The following MYH9 variants were observed in gnomAD, a reference collection of about 807,000 sequenced individuals.
MYH9 encodes the protein myosin-9.
MYH9 carries 29 observed loss-of-function variants against 241.9 expected under a neutral mutation model. That is an observed-to-expected ratio of 0.12 (90% CI 0.09 to 0.16). The LOEUF (loss-of-function observed/expected upper bound fraction) is 0.16, where lower values mean the gene tolerates loss of function less well. MYH9 is among the 10% of genes least tolerant of loss of function. The pLI is 1.00. For missense variants in MYH9, 1,803 were observed against 2,595.5 expected (o/e 0.69, Z 6.63); for synonymous variants, 1,047 against 1,062.6 (o/e 0.99, Z 0.29).
chr22:36,336,046 G>A (rs931665515), intron 3 of MYH9, among the ~76,000 whole-genome samples: 5 of 152,196 alleles, frequency 3.3e-5, no homozygotes, highest in East Asian at 1.9e-4. Context: ...ACCAGGGATC[G>A]GGTGGGAAGG....
Position 36,281,986 on chromosome 22 carries a change from G to A in MYH9, c.*682C>T, listed in dbSNP as rs1048426610. On this transcript the variant is annotated 3_prime_UTR_variant, in exon 41 of 41. Coordinates refer to ENST00000216181, the MANE Select transcript of MYH9 (RefSeq NM_002473.6). ...GCTGTCCTCGGTAAAGGAGGGGAGGGGGCATTGCACTTGAGACATTTTAGA... is the reference window on the plus strand; with the variant it reads ...GCTGTCCTCGGTAAAGGAGGGGAGGAGGCATTGCACTTGAGACATTTTAGA... 1.3e-5 allele frequency: 3 copies of A among 233,668 alleles called. No individual in the cohort carries two copies. The highest frequency in any genetic ancestry group is 4.4e-5 in the African/African-American group (2 of 45,310). 14.5% of individuals were successfully genotyped at this position (233,668 alleles called of 1,614,324 possible).
At chr22:36,310,349 T>C (rs2017042356) in intron 14 of MYH9, among the ~76,000 whole-genome samples, 4 of 152,118 alleles carry the variant, frequency 2.6e-5, no homozygotes, top group Admixed American at 2.6e-4. Flanking sequence ...CAAACTGTCT[T>C]CTTGCCTTGG....
At chr22:36,337,395 C>T (rs2017516684) in intron 3 of MYH9, among the ~76,000 whole-genome samples, 1 of 152,158 alleles carries the variant, frequency 6.6e-6, no homozygotes, top group South Asian at 2.1e-4. Context: ...AATTTATCCT[C>T]CAAACTGGGA....
In MYH9 at chr22:36,320,158, G is replaced by A. The variant is rs2017227417; in HGVS notation, c.1012+62C>T. On this transcript the variant is annotated intron_variant, in intron 9 of 40. Transcript: ENST00000216181. This position sits in a 1 kb window ranked among gnomAD's most constrained non-coding sequence, Gnocchi z 4.8. ...GGCCCATCGGCTACCCTGATGCCCC[G>A]AGGCCGTGGGTACCAGCCTTCCTCT... 2.7e-6 allele frequency: 4 copies of A among 1,484,810 alleles called. No individual in the cohort carries two copies. Among genetic ancestry groups the A allele is most frequent in the East Asian group, 2.3e-5 (1 of 43,224 alleles). 92.0% of individuals were successfully genotyped at this position (1,484,810 alleles called of 1,614,324 possible).
At position 36,285,051 on chromosome 22, in the gene MYH9, G is replaced by C; in HGVS notation, c.5483+70C>G. ...AGAGAGCTGGTTGTGGCCCAGATTT[G>C]GGCAGGACTGCAGGGGGGCCAGAGT... On this transcript the variant is annotated intron_variant, in intron 38 of 40. Coordinates refer to ENST00000216181, the MANE Select transcript of MYH9 (RefSeq NM_002473.6). The surrounding 1 kb of genome is among the most constrained non-coding windows in gnomAD (Gnocchi z 7.0). 2.8e-6 allele frequency: 4 copies of C among 1,425,458 alleles called. No homozygotes were observed. In the Admixed American group the frequency reaches 5.4e-5, roughly 19 times the overall value. 88.3% of individuals were successfully genotyped at this position (1,425,458 alleles called of 1,614,324 possible). A position where few individuals can be genotyped will look rare whatever the true frequency, so the allele number is the denominator to read the frequency against.
chr22:36,379,278 C>T (rs1252960682), intron 1 of MYH9, among the ~76,000 whole-genome samples: 1 of 152,130 alleles, frequency 6.6e-6, no homozygotes, highest in African/African-American at 2.4e-5. Flanking sequence ...GAGGCCGAGG[C>T]GGGTGGATCA....
rs148112044 is a variant in MYH9 at position 36,300,968 on chromosome 22, G to T, written c.2721C>A (p.Thr907=). The change falls in exon 22 of 41, where the codon ACC becomes ACA. Residue 907 remains threonine, a synonymous_variant. Coordinates refer to ENST00000216181, the MANE Select transcript of MYH9 (RefSeq NM_002473.6). The surrounding 1 kb of genome is among the most constrained non-coding windows in gnomAD (Gnocchi z 5.0). ...AEAEELRARL[T]AKKQELEEIC... is the part of the protein sequence containing the mutation. The stretch of plus-strand genomic sequence containing the variant: ...TCTCTTCTAATTCCTGCTTCTTGGC[G>T]GTCAGGCGGGCCCGGAGCTCCTCAG... The T allele has an allele frequency of 4.3e-6, 7 of 1,611,744 alleles. No homozygotes were observed. The Admixed American group carries it at 1.0e-4, about 23-fold the overall frequency.
chr22:36,381,006 G>C (rs778760929), intron 1 of MYH9, among the ~76,000 whole-genome samples: 52 of 152,126 alleles, frequency 3.4e-4, no homozygotes, highest in Middle Eastern at 3.4e-3. Context: ...CTGTTTAAGG[G>C]GTTACTCTAG....
At chr22:36,370,036 GCACT>G (rs1326698773) in intron 1 of MYH9, among the ~76,000 whole-genome samples, 1 of 152,168 alleles carries the variant, frequency 6.6e-6, no homozygotes. Context: ...ATATCACCTG[GCACT>G]GTGCCAGATA....
In MYH9 at chr22:36,300,332, G is replaced by C; in HGVS notation, c.2839-68C>G. 1 of 1,600,054 alleles carries C rather than the reference G, an allele frequency of 6.2e-7. No individual in the cohort carries two copies. The highest frequency in any genetic ancestry group is 8.5e-7 in the Non-Finnish European group (1 of 1,176,252). ...GCATGGCCAAGGTGAAGGCAGCAAG[G>C]TCCGAAGGCCAGATCCAAACGCCAA... is the stretch of plus-strand genomic sequence containing the variant. On this transcript the variant is annotated intron_variant, in intron 22 of 40. Transcript: ENST00000216181. The surrounding 1 kb of genome is among the most constrained non-coding windows in gnomAD (Gnocchi z 5.0).
At chr22:36,361,299 C>CG (rs136210) in intron 1 of MYH9, among the ~76,000 whole-genome samples, 9,407 of 152,220 alleles carry the variant, frequency 0.062, 683 homozygotes, top group African/African-American at 0.18. Context: ...ACTTAGTGCC[C>CG]GGGCCCCAGA....
intron 3 of MYH9, among the ~76,000 whole-genome samples, chr22:36,340,399 G>A (rs12159329): frequency 0.025 from 3,788 of 151,970 alleles, 161 homozygotes; most frequent in African/African-American, 0.087. Flanking sequence ...GGTGGCTCAC[G>A]CCTGTAATCC....
intron 3 of MYH9, among the ~76,000 whole-genome samples, chr22:36,335,865 G>C (rs1374729907): frequency 4.6e-5 from 7 of 152,218 alleles, no homozygotes; most frequent in African/African-American, 1.4e-4. Flanking sequence ...ATCTGTGCCT[G>C]CCTCTTTACG....
At chr22:36,373,405 T>C (rs1267119789) in intron 1 of MYH9, among the ~76,000 whole-genome samples, 5 of 152,246 alleles carry the variant, frequency 3.3e-5, no homozygotes, top group African/African-American at 1.2e-4. Context: ...CCAGGGGCCT[T>C]GGAAGTGACA....
At chr22:36,309,028 C>G (rs759471419) in intron 15 of MYH9, among the ~76,000 whole-genome samples, 1 of 152,216 alleles carries the variant, frequency 6.6e-6, no homozygotes, top group Non-Finnish European at 1.5e-5. Context: ...AGGCTCGGGG[C>G]TGCCCTTGAC....
intron 1 of MYH9, among the ~76,000 whole-genome samples, chr22:36,351,426 C>A (rs2017763673): frequency 6.6e-6 from 1 of 152,172 alleles, no homozygotes; most frequent in Non-Finnish European, 1.5e-5. Flanking sequence ...TGCCTGGCCG[C>A]CCCTCGTCTT....
intron 2 of MYH9, 54 bp downstream of exon 2, chr22:36,348,850 C>CCA: frequency 9.2e-7 from 1 of 1,092,416 alleles, no homozygotes; most frequent in South Asian, 1.4e-5. Flanking sequence ...CGCCCCCCCC[C>CCA]CCCACCTCGG....
chr22:36,328,879 T>A (rs1021802197), intron 3 of MYH9: 1 of 152,254 alleles, frequency 6.6e-6, no homozygotes, highest in African/African-American at 2.4e-5. Flanking sequence ...GTGCATGGCC[T>A]CAGGAGACAC....
intron 40 of MYH9, among the ~76,000 whole-genome samples, chr22:36,283,161 A>G (rs2016520386): frequency 1.3e-5 from 2 of 152,338 alleles, no homozygotes; most frequent in South Asian, 4.1e-4. Context: ...GCCTGTTCAC[A>G]CAGAGTACAA....
Sources: gnomAD v4.1 joint callset for allele counts (sites outside exome capture counted in the v4.1 genomes callset) on GRCh38, gnomAD v4.1.1 for gene constraint, Gnocchi (gnomAD v3.1) non-coding constraint, MANE v1.5 for transcripts, NCBI Gene and HGNC (gene_info 2026-07-23, HGNC 2026-07-21) for gene names.